Variants in HAO2 observed in about 807,000 individuals in gnomAD.
HAO2 encodes the protein 2-Hydroxyacid oxidase 2.
HAO2 carries 42 observed loss-of-function variants against 37.4 expected under a neutral mutation model. That is an observed-to-expected ratio of 1.12 (90% CI 0.88 to 1.45). HAO2 has a LOEUF of 1.45. Among genes scored for constraint, HAO2 ranks in the 40% most tolerant of loss-of-function variants. HAO2 has a pLI of 0.00. For synonymous variants in HAO2, 180 were observed against 162.8 expected (o/e 1.11, Z -0.81); for missense variants, 476 against 430.2 (o/e 1.11, Z -0.94).
intron 1 of HAO2, among the ~76,000 whole-genome samples, chr1:119,373,547 G>A (rs1649203083): frequency 6.6e-6 from 1 of 152,092 alleles, no homozygotes; most frequent in Non-Finnish European, 1.5e-5. Flanking sequence ...CAGGATGTGT[G>A]GGAGGCAGGA....
At chr1:119,378,997 G>A (rs1649701928) in intron 1 of HAO2, among the ~76,000 whole-genome samples, 1 of 152,146 alleles carries the variant, frequency 6.6e-6, no homozygotes, top group African/African-American at 2.4e-5. Flanking sequence ...AAATAGTCGA[G>A]GCTATGCTTT....
At chr1:119,379,309 T>C (rs186337558) in intron 1 of HAO2, among the ~76,000 whole-genome samples, 1 of 152,254 alleles carries the variant, frequency 6.6e-6, no homozygotes, top group African/African-American at 2.4e-5. Flanking sequence ...ATAAACCACA[T>C]TGTTTATACA....
Position 119,386,818 on chromosome 1 carries a change from A to T in HAO2, c.758A>T (p.Glu253Val). The T allele has an allele frequency of 6.2e-7, 1 of 1,608,308 alleles. No individual in the cohort carries two copies. Among genetic ancestry groups the T allele is most frequent in the Non-Finnish European group, 8.5e-7 (1 of 1,174,818 alleles). ...VSNHGGRQLD[E>V]VLASIDALTE... ...AACCATGGTGGGAGGCAGCTTGATG[A>T]GGTTCTTGCTTCAGTAAGTAGGATT... The change falls in exon 5 of 8, where the codon GAG (glutamate) becomes GTG (valine). Residue 253 changes from glutamate (E) to valine (V), a missense_variant. Physicochemically the swap from Glu to Val is moderately radical, Grantham distance 121. Coordinates refer to ENST00000325945, the MANE Select transcript of HAO2 (RefSeq NM_016527.4).
intron 3 of HAO2, 60 bp from the exon 4 acceptor site, chr1:119,384,716 T>C: frequency 6.9e-7 from 1 of 1,458,106 alleles, no homozygotes; most frequent in Non-Finnish European, 9.4e-7. Flanking sequence ...ACTCCCAAGG[T>C]TTTCAGCCCA....
At chr1:119,376,474 T>C (rs1229212041) in intron 1 of HAO2, among the ~76,000 whole-genome samples, 1 of 152,160 alleles carries the variant, frequency 6.6e-6, no homozygotes, top group Non-Finnish European at 1.5e-5. Flanking sequence ...GTGCAAGCTG[T>C]CAGTGGATCT....
intron 1 of HAO2, among the ~76,000 whole-genome samples, chr1:119,377,986 G>A (rs1649614673): frequency 6.6e-6 from 1 of 152,204 alleles, no homozygotes; most frequent in Non-Finnish European, 1.5e-5. Flanking sequence ...AGAATTGCTT[G>A]AACTGGGGAG....
chr1:119,387,684 A>G (rs191865327), intron 5 of HAO2, among the ~76,000 whole-genome samples: 1 of 152,316 alleles, frequency 6.6e-6, no homozygotes, highest in Non-Finnish European at 1.5e-5. Context: ...TTATATTAAG[A>G]GCAACTTTTT....
At chr1:119,369,493 T>C (rs1648790244) in intron 1 of HAO2, among the ~76,000 whole-genome samples, 1 of 152,212 alleles carries the variant, frequency 6.6e-6, no homozygotes, top group African/African-American at 2.4e-5. Flanking sequence ...AGGGAGGTAC[T>C]GGTATAAAGA....
chr1:119,383,306 C>T (rs931525421), intron 3 of HAO2, among the ~76,000 whole-genome samples: 5 of 152,186 alleles, frequency 3.3e-5, no homozygotes, highest in Non-Finnish European at 7.4e-5. Context: ...TAAGAAGGTG[C>T]TAAAATTTAA....
At position 119,383,091 on chromosome 1, in the gene HAO2, C is replaced by G. The variant is rs754728069; in HGVS notation, c.283+25C>G. ...GGTATGAACCATCCCCACCTCGAGGCTCCTTTCCGGGAGGAGGTGTCCCTC... is the reference window on the plus strand; with the variant it reads ...GGTATGAACCATCCCCACCTCGAGGGTCCTTTCCGGGAGGAGGTGTCCCTC... On this transcript the variant is annotated intron_variant, in intron 3 of 7. Transcript: ENST00000325945. 9 of 1,584,726 alleles carry G rather than the reference C, an allele frequency of 5.7e-6. No homozygotes were observed. The East Asian group carries it at 2.1e-4, about 36-fold the overall frequency.
intron 1 of HAO2, chr1:119,370,346 T>G (rs1238290671): frequency 1.3e-5 from 2 of 152,210 alleles, no homozygotes; most frequent in Non-Finnish European, 2.9e-5. Context: ...TGAGTAAATC[T>G]GACAGAGGGT....
intron 6 of HAO2, 39 bp downstream of exon 6, chr1:119,392,307 C>T (rs929502929): frequency 6.6e-6 from 10 of 1,506,122 alleles, no homozygotes; most frequent in Middle Eastern, 2.2e-4. Flanking sequence ...AGATACAGAG[C>T]TTCTCATTCA....
At chr1:119,391,076 A>G (rs1048238936) in intron 5 of HAO2, among the ~76,000 whole-genome samples, 1 of 152,120 alleles carries the variant, frequency 6.6e-6, no homozygotes, top group Non-Finnish European at 1.5e-5. Flanking sequence ...TAAGTTCAAA[A>G]CATATTCAAT....
intron 5 of HAO2, among the ~76,000 whole-genome samples, chr1:119,388,471 G>A (rs1269713845): frequency 6.6e-6 from 1 of 152,158 alleles, no homozygotes; most frequent in Non-Finnish European, 1.5e-5. Context: ...TAAGGTAGGG[G>A]CCAGGGAGAG....
In HAO2 at chr1:119,381,223, T is replaced by C; in HGVS notation, c.131+7T>C. 1 of 1,603,996 alleles carries C rather than the reference T, an allele frequency of 6.2e-7. No homozygotes were observed. Among genetic ancestry groups the C allele is most frequent in the South Asian group, 1.1e-5 (1 of 90,884 alleles). On this transcript the variant is annotated splice_region_variant and intron_variant, in intron 2 of 7. Coordinates refer to ENST00000325945, the MANE Select transcript of HAO2 (RefSeq NM_016527.4). ...ACATTGCAGCATTTAAAAGGTGTGG[T>C]CTTCTGTAGCCTGTCTATTGTTAGG...
At chr1:119,388,229 A>C (rs1650545938) in intron 5 of HAO2, among the ~76,000 whole-genome samples, 1 of 152,216 alleles carries the variant, frequency 6.6e-6, no homozygotes, top group African/African-American at 2.4e-5. Context: ...GGGTCATCCC[A>C]ACTATGCCTA....
intron 1 of HAO2, among the ~76,000 whole-genome samples, chr1:119,372,255 A>G (rs1461129028): frequency 1.3e-5 from 2 of 152,364 alleles, no homozygotes; most frequent in East Asian, 1.9e-4. Flanking sequence ...AATTTCTTGT[A>G]TATGCAACTG....
chr1:119,382,803 G>C lies in HAO2; in HGVS notation c.132-112G>C. 1.4e-5 allele frequency: 13 copies of C among 959,170 alleles called. No homozygotes were observed. In the South Asian group the frequency reaches 2.1e-4, roughly 16 times the overall value. The allele number at this position is 959,170 out of a possible 1,614,324, so 59.4% of individuals were successfully genotyped here. ...AACTGAACCCACCAAGGTTCCACAG[G>C]ACCCTGTCTGGTTTAGACTTGTATC... On this transcript the variant is annotated intron_variant, in intron 2 of 7. Coordinates refer to ENST00000325945, the MANE Select transcript of HAO2 (RefSeq NM_016527.4).
intron 5 of HAO2, among the ~76,000 whole-genome samples, chr1:119,389,839 G>C (rs908433621): frequency 3.3e-5 from 5 of 152,024 alleles, no homozygotes; most frequent in African/African-American, 1.2e-4. Context: ...TTGCTTTTGG[G>C]TTCGTGGTCA....
Sources: allele counts gnomAD v4.1 joint callset (sites outside exome capture counted in the v4.1 genomes callset), GRCh38; gene constraint gnomAD v4.1.1; transcripts MANE v1.5; gene names NCBI Gene and HGNC (gene_info 2026-07-23, HGNC 2026-07-21).